The following THADA variants were observed in gnomAD, a reference collection of about 807,000 sequenced individuals.
The protein encoded by THADA is THADA armadillo repeat containing, also known as tRNA (32-2'-O)-methyltransferase regulator THADA.
Under a neutral mutation model 219.8 loss-of-function variants are expected in THADA, and 213 were observed. That is an observed-to-expected ratio of 0.97 (90% CI 0.87 to 1.09). THADA has a LOEUF of 1.09. THADA is among the 50% of genes least tolerant of loss of function. The pLI is 0.00. For missense variants in THADA, 2,956 were observed against 2,311.3 expected (o/e 1.28, Z -5.72); for synonymous variants, 1,018 against 828.9 (o/e 1.23, Z -3.92).
At chr2:43,514,044 A>G (rs1225159745) in intron 22 of THADA, among the ~76,000 whole-genome samples, 1 of 151,636 alleles carries the variant, frequency 6.6e-6, no homozygotes, top group Non-Finnish European at 1.5e-5. Flanking sequence ...TGGATGACAC[A>G]GTGAGACACT....
At chr2:43,408,930 G>A (rs1352081763) in intron 28 of THADA, among the ~76,000 whole-genome samples, 1 of 152,168 alleles carries the variant, frequency 6.6e-6, no homozygotes, top group African/African-American at 2.4e-5. Flanking sequence ...CCTCTGTGGA[G>A]TTGGAGAACA....
Position 43,336,358 on chromosome 2 carries a change from G to A in THADA, c.4343+7764C>T, listed in dbSNP as rs555957947. 6.6e-5 allele frequency among the ~76,000 whole-genome samples: 10 copies of A among 151,942 alleles called. No individual in the cohort carries two copies. The South Asian group carries it at 1.9e-3, about 28-fold the overall frequency. On this transcript the variant is annotated intron_variant, in intron 30 of 37. Coordinates refer to ENST00000405975, the MANE Select transcript of THADA (RefSeq NM_022065.5). ...GCGATCTCGGCTCACCGTAAACTCC[G>A]CCTCCCAGGTTCAAGTGATTCTCCT...
chr2:43,378,807 T>A (rs796700061), intron 29 of THADA, among the ~76,000 whole-genome samples: 22 of 152,280 alleles, frequency 1.4e-4, no homozygotes, highest in African/African-American at 4.8e-4. Flanking sequence ...GGTTTCTCTA[T>A]GTTGGCCAGG....
chr2:43,449,546 G>T (rs1682042821), intron 26 of THADA, among the ~76,000 whole-genome samples: 2 of 152,114 alleles, frequency 1.3e-5, no homozygotes, highest in African/African-American at 4.8e-5. Context: ...CAAAGACAAA[G>T]AGATAAGCTT....
In THADA at chr2:43,586,899, T is replaced by C. The variant is rs1701084190; in HGVS notation, c.406A>G (p.Lys136Glu). The change falls in exon 5 of 38, where the codon AAA becomes GAA. Residue 136 changes from lysine to glutamate, a missense_variant. Lys to Glu is a moderately conservative substitution (Grantham distance 56, BLOSUM62 1). Transcript: ENST00000405975. ...CAGGAAGAAATATTGTCAGTAACTT[T>C]CCTGTAAGAGTATAAGTCAGTAGTA... ...LNTTDLYSYR[K>E]VTDNISSCME... The C allele has an allele frequency of 2.5e-6, 4 of 1,613,768 alleles. No homozygotes were observed. Among genetic ancestry groups the C allele is most frequent in the South Asian group, 2.2e-5 (2 of 91,082 alleles).
intron 31 of THADA, among the ~76,000 whole-genome samples, chr2:43,310,378 G>C (rs1168394235): frequency 6.6e-6 from 1 of 152,014 alleles, no homozygotes; most frequent in Non-Finnish European, 1.5e-5. Context: ...GTGTGCTCCT[G>C]GCATAAGGAT....
chr2:43,575,571 C>T (rs973509503), intron 10 of THADA, among the ~76,000 whole-genome samples: 5 of 152,174 alleles, frequency 3.3e-5, no homozygotes, highest in Non-Finnish European at 5.9e-5. Context: ...CAGGGTCTTG[C>T]TGTCACCCAG....
At chr2:43,300,358 T>A (rs547312339) in intron 31 of THADA, among the ~76,000 whole-genome samples, 43 of 152,162 alleles carry the variant, frequency 2.8e-4, no homozygotes, top group African/African-American at 1.0e-3. Context: ...TAGACAAGAT[T>A]TAACTCTTTA....
At chr2:43,558,663 A>G (rs10164789) in intron 16 of THADA, among the ~76,000 whole-genome samples, 55,875 of 151,948 alleles carry the variant, frequency 0.37, 10,881 homozygotes, top group African/African-American at 0.49. Flanking sequence ...CTTCAGCTTT[A>G]GCTTCCTTGC....
intron 26 of THADA, among the ~76,000 whole-genome samples, chr2:43,445,528 G>T (rs888615158): frequency 1.3e-5 from 2 of 152,230 alleles, no homozygotes; most frequent in African/African-American, 4.8e-5. Context: ...GATCTACCAG[G>T]AAGCCCTTTC....
chr2:43,466,607 C>T lies in THADA; in HGVS notation c.3836+18627G>A, dbSNP rs554726865. Among the ~76,000 whole-genome samples, 4 of 152,242 alleles carry T rather than the reference C, an allele frequency of 2.6e-5. No homozygotes were observed. In the South Asian group the frequency reaches 6.2e-4, roughly 24 times the overall value. Reference sequence around the variant, plus strand: ...GCCCAGCATATTACCTGGCACATAGCAGCAGGTCAATATACCCTACTGAGT... The same window carrying T: ...GCCCAGCATATTACCTGGCACATAGTAGCAGGTCAATATACCCTACTGAGT... On this transcript the variant is annotated intron_variant, in intron 26 of 37. Transcript: ENST00000405975.
chr2:43,327,121 T>C (rs114525982), intron 30 of THADA, among the ~76,000 whole-genome samples: 184 of 151,928 alleles, frequency 1.2e-3, no homozygotes, highest in Middle Eastern at 0.01. Flanking sequence ...ATTGTCATGA[T>C]TGTCATGGAG....
At chr2:43,429,782 A>G (rs575426134) in intron 27 of THADA, among the ~76,000 whole-genome samples, 2 of 152,080 alleles carry the variant, frequency 1.3e-5, no homozygotes, top group Admixed American at 6.5e-5. Flanking sequence ...ACAGGATTTT[A>G]CATAACTTTT....
chr2:43,537,217 G>T (rs1378519196), intron 21 of THADA, among the ~76,000 whole-genome samples: 1 of 152,158 alleles, frequency 6.6e-6, no homozygotes, highest in Non-Finnish European at 1.5e-5. Context: ...TTACCAGAAT[G>T]TTTATTCTTT....
intron 29 of THADA, among the ~76,000 whole-genome samples, chr2:43,344,851 C>T (rs1473908726): frequency 2.6e-5 from 4 of 151,716 alleles, no homozygotes; most frequent in Non-Finnish European, 4.4e-5. Context: ...CAAGGATACT[C>T]GTGTATATGC....
intron 29 of THADA, among the ~76,000 whole-genome samples, chr2:43,383,169 A>G (rs1672242774): frequency 6.6e-6 from 1 of 152,212 alleles, no homozygotes; most frequent in Non-Finnish European, 1.5e-5. Context: ...AAAAGAAGAA[A>G]TAATATTAAT....
At chr2:43,498,046 C>T (rs536332540) in intron 25 of THADA, among the ~76,000 whole-genome samples, 6 of 152,088 alleles carry the variant, frequency 3.9e-5, no homozygotes, top group Non-Finnish European at 7.4e-5. Flanking sequence ...TGTGTGTATA[C>T]TGATAAACCA....
intron 30 of THADA, 51 bp from the exon 31 acceptor site, chr2:43,320,591 C>T: frequency 2.8e-6 from 4 of 1,431,384 alleles, no homozygotes; most frequent in Non-Finnish European, 2.9e-6. Context: ...TCCCTTAGGT[C>T]TGGGTCTCAG....
chr2:43,425,037 T>C (rs1445703350), intron 28 of THADA, among the ~76,000 whole-genome samples: 5 of 152,168 alleles, frequency 3.3e-5, no homozygotes, highest in African/African-American at 9.7e-5. Context: ...TCAGACCCTA[T>C]AGGTCCATTC....
Sources: allele counts gnomAD v4.1 joint callset (sites outside exome capture counted in the v4.1 genomes callset), GRCh38; gene constraint gnomAD v4.1.1; transcripts MANE v1.5; gene names NCBI Gene and HGNC (gene_info 2026-07-23, HGNC 2026-07-21).